Variants in FAT3 observed in about 807,000 individuals in gnomAD.
FAT3 encodes protocadherin Fat 3.
A neutral mutation model predicts 310.2 loss-of-function variants in FAT3; 95 were observed. The ratio of observed to expected loss-of-function variants is 0.31; its 90% CI spans 0.26 to 0.36. The LOEUF is 0.36. FAT3 is among the 10% of genes least tolerant of loss of function. The probability of loss-of-function intolerance (pLI) is 1.00; values close to 1 mark genes in which losing one functional copy is unlikely to be tolerated. For missense variants in FAT3, 5,408 were observed against 5,715.6 expected (o/e 0.95, Z 1.74); for synonymous variants, 2,314 against 2,192.9 (o/e 1.06, Z -1.54).
intron 3 of FAT3, among the ~76,000 whole-genome samples, chr11:92,610,933 AT>A (rs1364377520): frequency 1.3e-5 from 2 of 152,116 alleles, no homozygotes; most frequent in Non-Finnish European, 2.9e-5. Flanking sequence ...TTTAGTGTTT[AT>A]AGGAGAATAT....
At position 92,256,407 on chromosome 11, in the gene FAT3, T is replaced by C. The variant is rs145910056; in HGVS notation, c.-18+31233T>C. 9.5e-3 allele frequency among the ~76,000 whole-genome samples: 1,440 copies of C among 151,998 alleles called. 34 individuals carry two copies. The highest frequency in any genetic ancestry group is 0.033 in the African/African-American group (1,360 of 41,502). ...GATCACAATTGTTTATATATATATATATGAAAAATATATGAAAAAATGTGA... is the reference window on the plus strand; with the variant it reads ...GATCACAATTGTTTATATATATATACATGAAAAATATATGAAAAAATGTGA... On this transcript the variant is annotated intron_variant, in intron 1 of 27. Coordinates refer to ENST00000525166, the MANE Select transcript of FAT3 (RefSeq NM_001367949.2).
intron 1 of FAT3, among the ~76,000 whole-genome samples, chr11:92,293,073 GAAGGAAAGAAGGAAGGAAGGAAGGA>G (rs1946738346): frequency 7.0e-6 from 1 of 142,974 alleles, no homozygotes; most frequent in East Asian, 2.3e-4. Context: ...AGGAAGGAAG[GAAGGAAAGAAGGAAGGAAGGAAGGA>G]AAGGAAGGAA....
At chr11:92,670,436 A>G (rs1191505605) in intron 3 of FAT3, among the ~76,000 whole-genome samples, 1 of 152,174 alleles carries the variant, frequency 6.6e-6, no homozygotes, top group African/African-American at 2.4e-5. Context: ...ACTGCGTTAC[A>G]TGTTTCTTTA....
intron 1 of FAT3, among the ~76,000 whole-genome samples, chr11:92,330,989 TGTGTGTGTGTGTGTGAGAGAGAGA>T (rs1336647204): frequency 1.6e-5 from 2 of 121,424 alleles, no homozygotes; most frequent in African/African-American, 1.0e-4. Context: ...TGTGTGTGTG[TGTGTGTGTGTGTGTGAGAGAGAGA>T]GAGAGAGAAA....
At chr11:92,564,085 G>C (rs1158888701) in intron 3 of FAT3, among the ~76,000 whole-genome samples, 8 of 152,132 alleles carry the variant, frequency 5.3e-5, no homozygotes, top group Non-Finnish European at 1.2e-4. Context: ...AAAAGACACA[G>C]ACTGGCAAGT....
intron 4 of FAT3, among the ~76,000 whole-genome samples, chr11:92,756,447 G>A (rs965719414): frequency 1.3e-5 from 2 of 152,200 alleles, no homozygotes; most frequent in African/African-American, 4.8e-5. Flanking sequence ...ATAAAACAGG[G>A]GAGGGGGATA....
rs140600338 is a variant in FAT3 at position 92,884,243 on chromosome 11, A to G, written c.12937+850A>G. On this transcript the variant is annotated intron_variant, in intron 24 of 27. Coordinates refer to ENST00000525166, the MANE Select transcript of FAT3 (RefSeq NM_001367949.2). ...ACGGATACATTTTAACAGCAGCACT[A>G]TTGCAGGTTTTTAAGTAAGTGACTG... Among the ~76,000 whole-genome samples the G allele has an allele frequency of 4.4e-3, 667 of 152,292 alleles. 7 individuals carry two copies. The highest frequency in any genetic ancestry group is 0.015 in the African/African-American group (611 of 41,534).
chr11:92,524,636 G>C lies in FAT3; in HGVS notation c.3295G>C (p.Val1099Leu), dbSNP rs770864190. Residue 1099 changes from valine (V) to leucine (L), a missense_variant and splice_region_variant, in exon 3 of 28, where the codon GTC becomes CTC. Physicochemically the swap from Val to Leu is conservative, Grantham distance 32. Coordinates refer to ENST00000525166, the MANE Select transcript of FAT3 (RefSeq NM_001367949.2). ...GRFSIDDESG[V>L]ITAADILDRE... The stretch of plus-strand genomic sequence containing the variant: ...AACACTTCTCTTTTTTGTCTCAGGG[G>C]TCATCACTGCCGCAGACATTCTTGA... 5.6e-6 allele frequency: 9 copies of C among 1,610,550 alleles called. No individual in the cohort carries two copies. The highest frequency in any genetic ancestry group is 6.8e-6 in the Non-Finnish European group (8 of 1,177,996).
Position 92,352,551 on chromosome 11 carries a change from C to T in FAT3, c.439C>T (p.Gln147Ter). ...GGAAGCATGGACCAAAGTGAATATA[C>T]AGGTTTTAGATATGAATGATCTGAG... ...DLEAWTKVNIQVLDMNDLRPL... is the reference protein window; with the variant it reads ...DLEAWTKVNI The change falls in exon 2 of 28, where the codon CAG (glutamine) becomes TAG (stop). Residue 147 changes from glutamine (Q) to a stop codon, truncating the protein, a stop_gained. Coordinates refer to ENST00000525166, the MANE Select transcript of FAT3 (RefSeq NM_001367949.2). LOFTEE classifies it high-confidence loss of function. 1 of 1,613,694 alleles carries T rather than the reference C, an allele frequency of 6.2e-7. No homozygotes were observed. Among genetic ancestry groups the T allele is most frequent in the Non-Finnish European group, 8.5e-7 (1 of 1,179,806 alleles).
intron 4 of FAT3, among the ~76,000 whole-genome samples, chr11:92,703,478 C>T (rs964756323): frequency 7.2e-5 from 11 of 152,160 alleles, no homozygotes; most frequent in Non-Finnish European, 1.0e-4. Flanking sequence ...AATGGCATGT[C>T]TGTGCATAAA....
chr11:92,456,317 G>A (rs1296150480), intron 2 of FAT3, among the ~76,000 whole-genome samples: 1 of 152,170 alleles, frequency 6.6e-6, no homozygotes, highest in Non-Finnish European at 1.5e-5. Flanking sequence ...GGAGGTTATA[G>A]TTTCACTGGG....
chr11:92,453,673 G>C (rs1951421262), intron 2 of FAT3, among the ~76,000 whole-genome samples: 1 of 151,994 alleles, frequency 6.6e-6, no homozygotes, highest in African/African-American at 2.4e-5. Context: ...TATTCAACAA[G>C]ATAAAATAAC....
intron 13 of FAT3, among the ~76,000 whole-genome samples, chr11:92,830,628 G>A (rs1479091538): frequency 1.3e-5 from 2 of 151,948 alleles, no homozygotes; most frequent in African/African-American, 4.8e-5. Context: ...CTAACTTCCT[G>A]CTTGACATCT....
At chr11:92,793,442 C>T (rs1002058089) in intron 9 of FAT3, among the ~76,000 whole-genome samples, 1 of 152,140 alleles carries the variant, frequency 6.6e-6, no homozygotes, top group Non-Finnish European at 1.5e-5. Flanking sequence ...CACAAATTCA[C>T]ATCATTGGAG....
chr11:92,628,088 C>T (rs965900014), intron 3 of FAT3, among the ~76,000 whole-genome samples: 4 of 152,092 alleles, frequency 2.6e-5, no homozygotes, highest in Admixed American at 6.6e-5. Flanking sequence ...GTTCAGATAC[C>T]GGATGCCTAA....
chr11:92,300,925 C>T (rs1030092113), intron 1 of FAT3, among the ~76,000 whole-genome samples: 3 of 152,214 alleles, frequency 2.0e-5, no homozygotes, highest in South Asian at 2.1e-4. Context: ...GGGATTGTTT[C>T]GTTGTTCTGG....
At chr11:92,808,919 C>T (rs764690194) in intron 12 of FAT3, among the ~76,000 whole-genome samples, 3 of 151,946 alleles carry the variant, frequency 2.0e-5, no homozygotes, top group Non-Finnish European at 4.4e-5. Context: ...GAGCAAGACT[C>T]AGTCTCAAAA....
At chr11:92,680,068 T>G (rs995144948) in intron 3 of FAT3, among the ~76,000 whole-genome samples, 2 of 151,858 alleles carry the variant, frequency 1.3e-5, no homozygotes, top group Non-Finnish European at 2.9e-5. Context: ...TTCACTCCAT[T>G]TATTACTTAT....
chr11:92,767,326 C>G (rs1488431474), intron 6 of FAT3, among the ~76,000 whole-genome samples: 1 of 151,934 alleles, frequency 6.6e-6, no homozygotes, highest in Non-Finnish European at 1.5e-5. Context: ...GTGTGCTGTC[C>G]TGAGATTAGA....
Sources: gnomAD v4.1 joint callset for allele counts (sites outside exome capture counted in the v4.1 genomes callset) on GRCh38, gnomAD v4.1.1 for gene constraint, MANE v1.5 for transcripts, NCBI Gene and HGNC (gene_info 2026-07-23, HGNC 2026-07-21) for gene names.